IPO5: variants seen among roughly 807,000 people sequenced by gnomAD.
IPO5 encodes the protein importin-5.
IPO5 carries 18 observed loss-of-function variants against 143.3 expected under a neutral mutation model. The observed-to-expected ratio is 0.13, with a 90% CI of 0.09 to 0.19. IPO5 has a LOEUF of 0.19. Among genes scored for constraint, IPO5 ranks in the 10% least tolerant of loss-of-function variants. IPO5 has a pLI of 1.00. For missense variants in IPO5, 1,013 were observed against 1,336.9 expected, an observed-to-expected ratio of 0.76 and a Z score of 3.78; for synonymous variants, 477 against 465.7, an observed-to-expected ratio of 1.02 and a Z score of -0.31.
chr13:97,958,497 C>T (rs1884621091), intron 2 of IPO5, among the ~76,000 whole-genome samples: 2 of 152,062 alleles, frequency 1.3e-5, no homozygotes, highest in South Asian at 2.1e-4. Flanking sequence ...CTCTCCTTTG[C>T]TCAGGACCCT....
At chr13:97,995,789 C>T (rs1173440231) in intron 11 of IPO5, among the ~76,000 whole-genome samples, 1 of 151,880 alleles carries the variant, frequency 6.6e-6, no homozygotes, top group Non-Finnish European at 1.5e-5. Flanking sequence ...AATTTGGGGT[C>T]TACTCAAGAC....
At chr13:98,003,129 A>C (rs569749646) in intron 16 of IPO5, 92 bp downstream of exon 16, 1 of 948,680 alleles carries the variant, frequency 1.1e-6, no homozygotes, top group South Asian at 1.6e-5. Flanking sequence ...GACTTGCAGC[A>C]TGACCATAAA....
chr13:98,002,529 C>G lies in IPO5; in HGVS notation c.1171C>G (p.Gln391Glu). ...ATCTGCCATTGGTGAAGGGTGCCAC[C>G]AGCAAATGGAAGGAATTCTAAATGA... ...ALSAIGEGCHQQMEGILNEIV... is the reference protein window; with the variant it reads ...ALSAIGEGCHEQMEGILNEIV... Residue 391 changes from glutamine to glutamate, a missense_variant, in exon 14 of 29, where the codon CAG becomes GAG. Physicochemically the swap from Gln to Glu is conservative, Grantham distance 29. This residue lies in a region of IPO5 where 685 missense variants were observed against 994.9 expected (regional missense o/e 0.69). Transcript: ENST00000651721. The G allele has an allele frequency of 6.2e-7, 1 of 1,613,856 alleles. No homozygotes were observed.
rs376215768 is a variant in IPO5 at position 98,003,054 on chromosome 13, G to T, written c.1497+17G>T. ...CTTCAAGAGGTAAGTTTTAAGATCT[G>T]TAGGCTGCTTTCTGTTTGTAGATTA... On this transcript the variant is annotated intron_variant, in intron 16 of 28. Coordinates refer to ENST00000651721, the MANE Select transcript of IPO5 (RefSeq NM_002271.6). 6 of 1,580,572 alleles carry T rather than the reference G, an allele frequency of 3.8e-6. No homozygotes were observed. The African/African-American group carries it at 8.1e-5, about 21-fold the overall frequency.
chr13:97,966,409 A>G (rs1885341860), intron 2 of IPO5, among the ~76,000 whole-genome samples: 2 of 152,170 alleles, frequency 1.3e-5, no homozygotes, highest in African/African-American at 4.8e-5. Flanking sequence ...TTTACGCTTT[A>G]TTAATATGGT....
chr13:97,996,621 T>C (rs1051597346), intron 11 of IPO5, among the ~76,000 whole-genome samples: 3 of 151,956 alleles, frequency 2.0e-5, no homozygotes, highest in Admixed American at 6.6e-5. Flanking sequence ...TTTCTTTTTT[T>C]AGACAGAGTC....
intron 9 of IPO5, 46 bp downstream of exon 9, chr13:97,990,583 TC>T (rs1192616497): frequency 9.4e-7 from 1 of 1,059,960 alleles, no homozygotes; most frequent in African/African-American, 1.6e-5. Context: ...CTTATTTGGT[TC>T]TTTAATGCAT....
At chr13:98,010,304 A>G (rs1168675673) in intron 20 of IPO5, 80 bp downstream of exon 20, 2 of 1,309,332 alleles carry the variant, frequency 1.5e-6, no homozygotes, top group Non-Finnish European at 2.1e-6. Context: ...TAGCTGCTAA[A>G]GAAATTACTT....
chr13:97,995,039 T>G (rs566257352), intron 11 of IPO5, among the ~76,000 whole-genome samples: 27 of 151,564 alleles, frequency 1.8e-4, no homozygotes, highest in African/African-American at 6.3e-4. Flanking sequence ...GATGGAGGAT[T>G]GCTTGAGCCC....
In IPO5 at chr13:98,022,982, T is replaced by C. The variant is rs1758573560; in HGVS notation, c.*1160T>C. ...AATAGACTTCTGTTGAAAACTTCAG[T>C]GTTAACATTTTTATAGTTTGTACTA... is the stretch of plus-strand genomic sequence containing the variant. On this transcript the variant is annotated 3_prime_UTR_variant, in exon 29 of 29. Coordinates refer to ENST00000651721, the MANE Select transcript of IPO5 (RefSeq NM_002271.6). 6.5e-6 allele frequency: 1 copy of C among 152,686 alleles called. No homozygotes were observed. Among genetic ancestry groups the C allele is most frequent in the African/African-American group, 2.4e-5 (1 of 41,472 alleles). The allele number at this position is 152,686 out of a possible 1,614,324, so 9.5% of individuals were successfully genotyped here.
intron 4 of IPO5, chr13:97,980,041 G>C (rs960259408): frequency 2.1e-5 from 9 of 436,316 alleles, no homozygotes; most frequent in African/African-American, 6.1e-5. Context: ...TTTGCATTGT[G>C]TAAATTGTAT....
intron 17 of IPO5, among the ~76,000 whole-genome samples, chr13:98,006,756 A>G (rs1349383417): frequency 1.3e-5 from 2 of 151,970 alleles, no homozygotes; most frequent in Non-Finnish European, 2.9e-5. Flanking sequence ...TTTCCTTCTG[A>G]AAAATGGTTT....
At chr13:97,984,236 C>A (rs1017185031) in intron 5 of IPO5, among the ~76,000 whole-genome samples, 1 of 151,898 alleles carries the variant, frequency 6.6e-6, no homozygotes, top group Non-Finnish European at 1.5e-5. Flanking sequence ...CCTCGGCCTC[C>A]CAAAGTGCTG....
intron 2 of IPO5, among the ~76,000 whole-genome samples, chr13:97,954,533 TTA>T (rs1491523589): frequency 6.6e-6 from 1 of 152,180 alleles, no homozygotes; most frequent in African/African-American, 2.4e-5. Context: ...CGAGTATATT[TTA>T]TCTTAGTTTT....
At chr13:98,013,418 A>G (rs1367751119) in intron 21 of IPO5, among the ~76,000 whole-genome samples, 1 of 152,126 alleles carries the variant, frequency 6.6e-6, no homozygotes, top group Non-Finnish European at 1.5e-5. Context: ...AGAGTGGTAG[A>G]CAGACACAAA....
intron 18 of IPO5, among the ~76,000 whole-genome samples, chr13:98,009,222 G>A (rs1335936395): frequency 6.6e-6 from 1 of 152,216 alleles, no homozygotes; most frequent in Non-Finnish European, 1.5e-5. Context: ...ATGTGTCCAT[G>A]CATGCTCAAT....
At chr13:97,980,015 A>G (rs1886708015) in intron 4 of IPO5, 1 of 453,542 alleles carries the variant, frequency 2.2e-6, no homozygotes, top group Non-Finnish European at 4.4e-6. Context: ...GGCAGGGAAG[A>G]GGCGGAGGAG....
At chr13:97,970,412 A>T (rs1885720291) in intron 3 of IPO5, among the ~76,000 whole-genome samples, 2 of 152,072 alleles carry the variant, frequency 1.3e-5, no homozygotes, top group East Asian at 3.9e-4. Flanking sequence ...CGAGGTCAGG[A>T]GTTCGAGACA....
intron 9 of IPO5, 132 bp downstream of exon 9, chr13:97,990,669 C>G: frequency 1.9e-6 from 1 of 528,382 alleles, no homozygotes; most frequent in South Asian, 2.9e-5. Flanking sequence ...ACAAAACATG[C>G]AAATCTCAGT....
Sources: gnomAD v4.1 joint callset for allele counts (sites outside exome capture counted in the v4.1 genomes callset) on GRCh38, gnomAD v4.1.1 for gene constraint, gnomAD v4.1.1 regional missense constraint, MANE v1.5 for transcripts, NCBI Gene and HGNC (gene_info 2026-07-23, HGNC 2026-07-21) for gene names.